CRYAB: variants seen among roughly 807,000 people sequenced by gnomAD.
CRYAB encodes the protein crystallin alpha B, also known as alpha-crystallin B chain.
A neutral mutation model predicts 12.7 loss-of-function variants in CRYAB; 9 were observed. That is an observed-to-expected ratio of 0.71 (90% confidence interval 0.43 to 1.24). The LOEUF (loss-of-function observed/expected upper bound fraction) is 1.24, where lower values mean the gene tolerates loss of function less well. CRYAB is among the 50% of genes most tolerant of loss of function. The pLI, the probability that CRYAB is intolerant of heterozygous loss-of-function variation, is 0.00. For synonymous variants in CRYAB, 93 were observed against 86.8 expected, an observed-to-expected ratio of 1.07 and a Z score of -0.40; for missense variants, 183 against 226.6, an observed-to-expected ratio of 0.81 and a Z score of 1.24.
chr11:111,920,971 C>A (rs10502152), intron 1 of CRYAB, among the ~76,000 whole-genome samples: 1 of 151,626 alleles, frequency 6.6e-6, no homozygotes, highest in South Asian at 2.1e-4. Flanking sequence ...AAGGATATAG[C>A]GTATGTGAAA....
upstream of CRYAB, chr11:111,913,815 G>A: frequency 1.9e-6 from 3 of 1,614,134 alleles, no homozygotes; most frequent in African/African-American, 2.7e-5. Context: ...GGACACAGAG[G>A]TCAATGAGGT....
chr11:111,913,592 C>G, upstream of CRYAB: 2 of 1,614,210 alleles, frequency 1.2e-6, no homozygotes, highest in Non-Finnish European at 1.7e-6. Context: ...ATGTGAGCCA[C>G]TTTACCCCAG....
At chr11:111,919,164 T>A in intron 1 of CRYAB, 1 of 802,948 alleles carries the variant, frequency 1.2e-6, no homozygotes, top group Non-Finnish European at 2.0e-6. Flanking sequence ...GCACCTCCTT[T>A]CAGGAGGCCT....
upstream of CRYAB, among the ~76,000 whole-genome samples, chr11:111,915,287 C>A (rs1965580763): frequency 6.6e-6 from 1 of 152,154 alleles, no homozygotes; most frequent in Non-Finnish European, 1.5e-5. Context: ...GATAACAGAA[C>A]TCACTTGAGG....
chr11:111,913,546 T>A (rs146268210), upstream of CRYAB: 33 of 1,614,184 alleles, frequency 2.0e-5, no homozygotes, highest in African/African-American at 4.3e-4. Context: ...GCCTCCGAGC[T>A]TAGGCTCAGT....
intron 1 of CRYAB, among the ~76,000 whole-genome samples, chr11:111,920,938 T>C (rs1555166504): frequency 6.6e-6 from 1 of 152,092 alleles, no homozygotes; most frequent in Non-Finnish European, 1.5e-5. Context: ...ATTGTGTAGA[T>C]CACAGGCTTA....
At chr11:111,909,206 CCT>C (rs1555165301) in intron 2 of CRYAB, 2 of 599,606 alleles carry the variant, frequency 3.3e-6, no homozygotes, top group African/African-American at 1.8e-5. Context: ...TTTTTCAAAC[CCT>C]GAGGCATAGA....
upstream of CRYAB, chr11:111,913,898 G>T: frequency 6.3e-7 from 1 of 1,599,728 alleles, no homozygotes. Flanking sequence ...AGCCCTGATT[G>T]CCACAGACCC....
At chr11:111,913,623 G>A, upstream of CRYAB, 1 of 1,614,200 alleles carries the variant, frequency 6.2e-7, no homozygotes, top group Non-Finnish European at 8.5e-7. Flanking sequence ...TGTGAGGACT[G>A]TGGATAACCT....
upstream of CRYAB, among the ~76,000 whole-genome samples, chr11:111,916,837 TTTC>T (rs1441418369): frequency 6.6e-6 from 1 of 151,836 alleles, no homozygotes; most frequent in African/African-American, 2.4e-5. Context: ...TTCCTTTCCT[TTTC>T]TTTTCTTTTC....
intron 2 of CRYAB, 93 bp downstream of exon 2, chr11:111,910,234 A>G (rs781885346): frequency 2.0e-6 from 3 of 1,506,432 alleles, no homozygotes; most frequent in Admixed American, 3.4e-5. Context: ...TTGGGACTGG[A>G]ATGTAGCCAG....
upstream of CRYAB, chr11:111,911,774 T>G (rs967280956): frequency 9.3e-6 from 12 of 1,290,182 alleles, no homozygotes; most frequent in Non-Finnish European, 1.2e-5. Context: ...CTCCTTCAGC[T>G]GCAGCTACAG....
chr11:111,918,700 A>G (rs1555166261), intron 1 of CRYAB: 1 of 684,022 alleles, frequency 1.5e-6, no homozygotes, highest in Non-Finnish European at 2.7e-6. Flanking sequence ...TGAAGCTTGA[A>G]GCTCAAGTTC....
chr11:111,909,847 G>A (rs956518881), intron 2 of CRYAB: 16 of 339,416 alleles, frequency 4.7e-5, no homozygotes, highest in Non-Finnish European at 7.0e-5. Context: ...CTAGGTGTCT[G>A]ACAGCCCTAT....
At chr11:111,913,201 G>A, upstream of CRYAB, 1 of 602,870 alleles carries the variant, frequency 1.7e-6, no homozygotes, top group Non-Finnish European at 3.0e-6. Context: ...GCCGTTTGGT[G>A]CCTCCTCCTC....
chr11:111,912,928 G>A, upstream of CRYAB: 1 of 1,593,178 alleles, frequency 6.3e-7, no homozygotes, highest in East Asian at 2.3e-5. Flanking sequence ...GAGAAGGTAT[G>A]GCACAGACAC....
chr11:111,911,043 C>T (rs1370562825), intron 1 of CRYAB: 10 of 228,370 alleles, frequency 4.4e-5, no homozygotes, highest in South Asian at 3.5e-4. Context: ...CCCAGGCCAG[C>T]GCCCTGTCGT....
At chr11:111,912,042 TAC>T, upstream of CRYAB, 1 of 308,758 alleles carries the variant, frequency 3.2e-6, no homozygotes, top group Non-Finnish European at 6.2e-6. Context: ...CTGAAGCTGG[TAC>T]AGAGTCAGGA....
At chr11:111,919,832 C>T (rs1463632605) in intron 1 of CRYAB, among the ~76,000 whole-genome samples, 1 of 152,172 alleles carries the variant, frequency 6.6e-6, no homozygotes, top group Non-Finnish European at 1.5e-5. Flanking sequence ...CTTCAGAGGC[C>T]ACCTTTTGAA....
Sources: gnomAD v4.1 joint callset for allele counts (sites outside exome capture counted in the v4.1 genomes callset) on GRCh38, gnomAD v4.1.1 for gene constraint, MANE v1.5 for transcripts, NCBI Gene and HGNC (gene_info 2026-07-23, HGNC 2026-07-21) for gene names.